The following KAZN variants were observed in gnomAD, a reference collection of about 807,000 sequenced individuals.
KAZN encodes the protein kazrin, periplakin interacting protein, also known as kazrin.
In KAZN, 40 loss-of-function variants were observed where a neutral mutation model predicts 87.4. That is an observed-to-expected ratio of 0.46 (90% CI 0.36 to 0.60). The LOEUF (loss-of-function observed/expected upper bound fraction) is 0.60, where lower values mean the gene tolerates loss of function less well. Ranked by LOEUF, KAZN falls within the 20% of genes least tolerant of loss-of-function variation. The pLI is 0.00. For synonymous variants in KAZN, 466 were observed against 458.3 expected, an observed-to-expected ratio of 1.02 and a Z score of -0.22; for missense variants, 898 against 1,073.9, an observed-to-expected ratio of 0.84 and a Z score of 2.29.
At chr1:14,927,225 T>TA (rs1225417530) in intron 1 of KAZN, among the ~76,000 whole-genome samples, 2 of 152,212 alleles carry the variant, frequency 1.3e-5, no homozygotes, top group Non-Finnish European at 2.9e-5. Context: ...TGGAGGTTCT[T>TA]AAACTGGGAA....
chr1:15,019,712 G>C (rs1179169685), intron 2 of KAZN, among the ~76,000 whole-genome samples: 1 of 152,190 alleles, frequency 6.6e-6, no homozygotes. Flanking sequence ...GTAAACTGGG[G>C]AGAATGATGG....
Position 15,117,826 on chromosome 1 carries a change from A to C in KAZN, c.*3191A>C, listed in dbSNP as rs1329861151. On this transcript the variant is annotated 3_prime_UTR_variant, in exon 15 of 15. Transcript: ENST00000376030. ...CTTCCTGCTGTGAAAGGAAAGGAGA[A>C]GAAAGCCTGTGGGCAATGGCAACCT... The C allele has an allele frequency of 2.6e-5, 4 of 152,286 alleles. No homozygotes were observed. The highest frequency in any genetic ancestry group is 1.3e-4 in the Admixed American group (2 of 15,288). The allele number at this position is 152,286 out of a possible 1,614,324, so 9.4% of individuals were successfully genotyped here.
chr1:14,208,408 A>C (rs1401844359), intron 2 of KAZN, among the ~76,000 whole-genome samples: 1 of 152,196 alleles, frequency 6.6e-6, no homozygotes, highest in African/African-American at 2.4e-5. Context: ...TCATTGACTC[A>C]TTCATTCACT....
At chr1:14,451,498 C>A (rs986018922) in intron 2 of KAZN, among the ~76,000 whole-genome samples, 52 of 151,718 alleles carry the variant, frequency 3.4e-4, no homozygotes, top group African/African-American at 1.1e-3. Flanking sequence ...TGATGGGAGG[C>A]GAGATGTATC....
In KAZN at chr1:14,315,105, C is replaced by G. The variant is rs559859998; in HGVS notation, c.249+134513C>G. Among the ~76,000 whole-genome samples, 4 of 152,168 alleles carry G rather than the reference C, an allele frequency of 2.6e-5. No homozygotes were observed. The South Asian group carries it at 8.3e-4, about 32-fold the overall frequency. On this transcript the variant is annotated intron_variant, in intron 2 of 16. Transcript: ENST00000636203. ...ACTGTTTTTCTTTTTCACTTTTTGGCTATTATGAATAATGCTGTTATAAAC... is the reference window on the plus strand; with the variant it reads ...ACTGTTTTTCTTTTTCACTTTTTGGGTATTATGAATAATGCTGTTATAAAC...
chr1:14,138,690 C>G (rs10489145), intron 1 of KAZN, among the ~76,000 whole-genome samples: 4,009 of 152,304 alleles, frequency 0.026, 77 homozygotes, highest in Non-Finnish European at 0.044. Context: ...TTCTCAATAG[C>G]TCCCCCATCG....
At chr1:14,053,330 G>A (rs1398218916) in intron 1 of KAZN, among the ~76,000 whole-genome samples, 2 of 152,122 alleles carry the variant, frequency 1.3e-5, no homozygotes, top group Non-Finnish European at 1.5e-5. Context: ...CAGAGGAGAC[G>A]ACGAGATTGT....
At chr1:13,909,802 T>C (rs982767265) in intron 1 of KAZN, among the ~76,000 whole-genome samples, 1 of 152,088 alleles carries the variant, frequency 6.6e-6, no homozygotes, top group Non-Finnish European at 1.5e-5. Flanking sequence ...ACCCTGAGAA[T>C]AAGGTGGGTA....
intron 1 of KAZN, among the ~76,000 whole-genome samples, 179 bp from the exon 2 acceptor site, chr1:14,960,505 G>A (rs937549026): frequency 6.6e-6 from 1 of 152,112 alleles, no homozygotes; most frequent in African/African-American, 2.4e-5. Flanking sequence ...CTGTGGGTGG[G>A]GCCTAGAATT....
At chr1:14,395,155 A>G (rs1662789552) in intron 2 of KAZN, among the ~76,000 whole-genome samples, 2 of 151,908 alleles carry the variant, frequency 1.3e-5, no homozygotes, top group Non-Finnish European at 1.5e-5. Context: ...GAGAGAAGAA[A>G]AAAGAGGGAG....
chr1:15,092,445 G>C (rs958956446), intron 8 of KAZN, among the ~76,000 whole-genome samples: 2 of 150,384 alleles, frequency 1.3e-5, no homozygotes, highest in African/African-American at 4.9e-5. Flanking sequence ...GTGTGTGTGT[G>C]TTTTTATTTG....
chr1:14,365,049 C>CTT lies in KAZN; in HGVS notation c.249+184468_249+184469dup, dbSNP rs767980402. 6.4e-3 allele frequency among the ~76,000 whole-genome samples: 923 copies of CTT among 144,218 alleles called. 14 individuals are homozygous for CTT. Among genetic ancestry groups the CTT allele is most frequent in the African/African-American group, 0.022 (865 of 39,676 alleles). 94.6% of individuals were successfully genotyped at this position (144,218 alleles called of 152,430 possible). ...TGAGCCACCATGCCCGGCCCCCTCT[C>CTT]TTTTTTTTTTTTGTGACGGAGTCTC... On this transcript the variant is annotated intron_variant, in intron 2 of 16. Transcript: ENST00000636203.
chr1:14,371,200 C>T (rs1377241325), intron 2 of KAZN, among the ~76,000 whole-genome samples: 1 of 152,182 alleles, frequency 6.6e-6, no homozygotes, highest in African/African-American at 2.4e-5. Flanking sequence ...AAGCAAGCTA[C>T]ATTTGGGACA....
intron 1 of KAZN, among the ~76,000 whole-genome samples, chr1:13,966,172 T>G (rs1019224236): frequency 7.9e-5 from 12 of 151,598 alleles, no homozygotes; most frequent in Admixed American, 5.3e-4. Flanking sequence ...TCTCCCTGCC[T>G]CCTCTTCCTT....
chr1:14,876,288 C>A (rs529802970), intron 1 of KAZN, among the ~76,000 whole-genome samples: 1 of 152,214 alleles, frequency 6.6e-6, no homozygotes, highest in Non-Finnish European at 1.5e-5. Context: ...GTGGTAGCTG[C>A]GTTTATTACA....
intron 2 of KAZN, among the ~76,000 whole-genome samples, chr1:15,012,835 T>A (rs1300812711): frequency 1.3e-5 from 2 of 152,040 alleles, no homozygotes; most frequent in African/African-American, 4.8e-5. Context: ...GGTATGAGAA[T>A]CACTTGAACT....
At chr1:14,562,110 C>T (rs1043738675) in intron 2 of KAZN, among the ~76,000 whole-genome samples, 1 of 152,070 alleles carries the variant, frequency 6.6e-6, no homozygotes, top group Non-Finnish European at 1.5e-5. Flanking sequence ...TTAGGTAAGC[C>T]TCCACCCCTT....
At chr1:14,777,788 T>C (rs1055076461) in intron 1 of KAZN, among the ~76,000 whole-genome samples, 1 of 152,222 alleles carries the variant, frequency 6.6e-6, no homozygotes. Flanking sequence ...ACTTGTGAGT[T>C]TTCCAGGAAT....
At chr1:14,640,918 C>G (rs1400764801) in intron 1 of KAZN, among the ~76,000 whole-genome samples, 1 of 152,226 alleles carries the variant, frequency 6.6e-6, no homozygotes, top group Non-Finnish European at 1.5e-5. Context: ...TCCACCAGCA[C>G]ATCCCTGTGC....
Sources: allele counts gnomAD v4.1 joint callset (sites outside exome capture counted in the v4.1 genomes callset), GRCh38; gene constraint gnomAD v4.1.1; transcripts MANE v1.5; gene names NCBI Gene and HGNC (gene_info 2026-07-23, HGNC 2026-07-21).